C6: variants seen among roughly 807,000 people sequenced by gnomAD.
The protein encoded by C6 is complement C6.
In C6, 101 loss-of-function variants were observed where a neutral mutation model predicts 112.9. That is an observed-to-expected ratio of 0.89 (90% CI 0.76 to 1.06). The LOEUF is 1.06. C6 is among the 50% of genes least tolerant of loss of function. C6 has a pLI of 0.00. For synonymous variants in C6, 431 were observed against 384.1 expected (o/e 1.12, Z -1.43); for missense variants, 1,202 against 1,104.6 (o/e 1.09, Z -1.25).
intron 1 of C6, among the ~76,000 whole-genome samples, chr5:41,240,868 G>A (rs2150425276): frequency 6.6e-6 from 1 of 152,264 alleles, no homozygotes; most frequent in South Asian, 2.1e-4. Context: ...GTGTGCATGG[G>A]TATAAGGTGT....
intron 1 of C6, among the ~76,000 whole-genome samples, chr5:41,205,116 C>G (rs569838435): frequency 6.6e-6 from 1 of 152,088 alleles, no homozygotes; most frequent in Non-Finnish European, 1.5e-5. Flanking sequence ...GAAATAGAAG[C>G]CTTTATCACT....
intron 1 of C6, among the ~76,000 whole-genome samples, chr5:41,210,628 A>G (rs1324540868): frequency 1.3e-5 from 2 of 152,214 alleles, no homozygotes; most frequent in Admixed American, 1.3e-4. Context: ...CAACAGAGAT[A>G]TGAAAAAAAT....
chr5:41,203,015 C>A, intron 2 of C6, 73 bp downstream of exon 2: 1 of 1,388,434 alleles, frequency 7.2e-7, no homozygotes, highest in South Asian at 1.2e-5. Flanking sequence ...CTTAGTGTTG[C>A]ACTCCTGATG....
At chr5:41,168,563 TTCACC>T (rs1224470786) in intron 9 of C6, among the ~76,000 whole-genome samples, 1 of 152,168 alleles carries the variant, frequency 6.6e-6, no homozygotes, top group East Asian at 1.9e-4. Flanking sequence ...TTATTAGATA[TTCACC>T]TTACAGTCTT....
chr5:41,220,938 T>TA (rs890110479), intron 1 of C6, among the ~76,000 whole-genome samples: 2 of 151,818 alleles, frequency 1.3e-5, no homozygotes, highest in African/African-American at 4.8e-5. Context: ...ACAGATTTTT[T>TA]AAAAAAAGAG....
intron 3 of C6, 98 bp from the exon 4 acceptor site, chr5:41,200,010 C>A: frequency 9.4e-7 from 1 of 1,063,474 alleles, no homozygotes; most frequent in Non-Finnish European, 1.4e-6. Context: ...GTGATTTTTC[C>A]TATGGTAATA....
At chr5:41,194,636 T>G (rs1335244646) in intron 5 of C6, among the ~76,000 whole-genome samples, 3 of 152,224 alleles carry the variant, frequency 2.0e-5, no homozygotes, top group Non-Finnish European at 2.9e-5. Flanking sequence ...TAGAAATTGA[T>G]AGCAAACTAT....
At chr5:41,239,972 G>C (rs1740594538) in intron 1 of C6, among the ~76,000 whole-genome samples, 1 of 152,122 alleles carries the variant, frequency 6.6e-6, no homozygotes, top group African/African-American at 2.4e-5. Flanking sequence ...GAAATCTGCT[G>C]TTAGTCTGTG....
intron 1 of C6, among the ~76,000 whole-genome samples, chr5:41,240,456 G>A (rs1381886598): frequency 6.6e-6 from 1 of 152,102 alleles, no homozygotes; most frequent in African/African-American, 2.4e-5. Context: ...GCATAGTATG[G>A]GCCATGGCAG....
intron 8 of C6, among the ~76,000 whole-genome samples, chr5:41,176,103 T>C (rs562923497): frequency 6.6e-6 from 1 of 152,354 alleles, no homozygotes; most frequent in East Asian, 1.9e-4. Context: ...ATGTTATTCA[T>C]AAATTATCTT....
chr5:41,167,454 T>C (rs1748077011), intron 9 of C6, among the ~76,000 whole-genome samples: 2 of 152,124 alleles, frequency 1.3e-5, no homozygotes, highest in Non-Finnish European at 2.9e-5. Context: ...ATTGGACATG[T>C]GGTAACTAAA....
chr5:41,165,402 A>G (rs77092111), intron 9 of C6, among the ~76,000 whole-genome samples: 3,317 of 152,294 alleles, frequency 0.022, 126 homozygotes, highest in African/African-American at 0.075. Context: ...CCTACCAGCA[A>G]TGTATGGCAG....
intron 1 of C6, among the ~76,000 whole-genome samples, chr5:41,259,224 T>G (rs1389229550): frequency 2.0e-5 from 3 of 152,232 alleles, no homozygotes; most frequent in Non-Finnish European, 2.9e-5. Context: ...ATCAAATGTT[T>G]GATGAAATTA....
chr5:41,216,395 T>A (rs184136593), upstream of C6, among the ~76,000 whole-genome samples: 9 of 152,268 alleles, frequency 5.9e-5, no homozygotes, highest in East Asian at 1.7e-3. Flanking sequence ...TCTGCCTTCC[T>A]CTATGATTCT....
At chr5:41,216,618 A>T (rs1388198241), upstream of C6, among the ~76,000 whole-genome samples, 1 of 152,152 alleles carries the variant, frequency 6.6e-6, no homozygotes, top group Non-Finnish European at 1.5e-5. Flanking sequence ...TGCTAAATAC[A>T]TGAGGCAATT....
At position 41,158,753 on chromosome 5, in the gene C6, A is replaced by G. The variant is rs762841413; in HGVS notation, c.1889T>C (p.Met630Thr). 12 of 1,606,224 alleles carry G rather than the reference A, an allele frequency of 7.5e-6. No individual in the cohort carries two copies. The highest frequency in any genetic ancestry group is 1.0e-5 in the Non-Finnish European group (12 of 1,173,226). The change falls in exon 13 of 18, where the codon ATG becomes ACG. Residue 630 changes from methionine (M) to threonine (T), a missense_variant. Coordinates refer to ENST00000337836, the MANE Select transcript of C6 (RefSeq NM_000065.5). ...TATCTCAGGAAGATCGACCTCTTTC[A>G]TTTCTTCGTCATCATTGATACATGG... ...GQPCINDDEE[M>T]KEVDLPEIEA...
rs746406862 is a variant in C6 at position 41,160,347 on chromosome 5, C to A, written c.1479G>T (p.Leu493Phe). ...TCACTGCACAGGGGATGTTTCTTAC[C>A]AAGTCCACGATGGGGGCAAGCTAGG... ...IDFELAPIVD[L>F]VRNIPCAVTK... is the part of the protein sequence containing the mutation. The change falls in exon 11 of 18, where the codon TTG becomes TTT. Residue 493 changes from leucine (L) to phenylalanine (F), a missense_variant. Physicochemically the swap from Leu to Phe is conservative, Grantham distance 22. Transcript: ENST00000337836. 1.9e-6 allele frequency: 3 copies of A among 1,613,646 alleles called. No individual in the cohort carries two copies. In the South Asian group the frequency reaches 3.3e-5, roughly 18 times the overall value.
intron 1 of C6, among the ~76,000 whole-genome samples, chr5:41,230,607 C>A (rs1416034399): frequency 6.6e-6 from 1 of 152,084 alleles, no homozygotes; most frequent in Non-Finnish European, 1.5e-5. Context: ...AGGACATAGA[C>A]CCTCATCAGT....
intron 1 of C6, among the ~76,000 whole-genome samples, chr5:41,204,670 CTTTT>C (rs1196116815): frequency 1.0e-5 from 1 of 98,566 alleles, no homozygotes; most frequent in African/African-American, 3.8e-5. Context: ...TTTTTTTTTT[CTTTT>C]TTTTTTTTTT....
Sources: gnomAD v4.1 joint callset for allele counts (sites outside exome capture counted in the v4.1 genomes callset) on GRCh38, gnomAD v4.1.1 for gene constraint, MANE v1.5 for transcripts, NCBI Gene and HGNC (gene_info 2026-07-23, HGNC 2026-07-21) for gene names.